Variants in DGKH observed in about 807,000 individuals in gnomAD.
DGKH encodes DAG kinase eta.
DGKH carries 90 observed loss-of-function variants against 159.3 expected under a neutral mutation model. The ratio of observed to expected loss-of-function variants is 0.57; its 90% CI spans 0.48 to 0.67. DGKH has a LOEUF of 0.67. DGKH is among the 30% of genes least tolerant of loss of function. DGKH has a pLI of 0.00. For synonymous variants in DGKH, 536 were observed against 553.8 expected, an observed-to-expected ratio of 0.97 and a Z score of 0.45; for missense variants, 1,181 against 1,506.1, an observed-to-expected ratio of 0.78 and a Z score of 3.57.
Position 42,057,465 on chromosome 13 carries a change from A to G in DGKH, c.192+8500A>G, listed in dbSNP as rs77683549. 5.8e-3 allele frequency among the ~76,000 whole-genome samples: 886 copies of G among 152,266 alleles called. 9 individuals are homozygous for G. Among genetic ancestry groups the G allele is most frequent in the African/African-American group, 0.02 (848 of 41,556 alleles). ...TTGTAGTACTTTAAAATTATGTGATATTATAATATTTGATATTTATAAGAA... is the reference window on the plus strand; with the variant it reads ...TTGTAGTACTTTAAAATTATGTGATGTTATAATATTTGATATTTATAAGAA... On this transcript the variant is annotated intron_variant, in intron 1 of 29. Coordinates refer to ENST00000337343, the MANE Select transcript of DGKH (RefSeq NM_178009.5).
At chr13:42,107,557 G>A (rs1954783288) in intron 1 of DGKH, among the ~76,000 whole-genome samples, 1 of 152,162 alleles carries the variant, frequency 6.6e-6, no homozygotes, top group Non-Finnish European at 1.5e-5. Flanking sequence ...AGGGAGTATG[G>A]AGGATTAATT....
At position 42,160,114 on chromosome 13, in the gene DGKH, A is replaced by G. The variant is rs770414433; in HGVS notation, c.833A>G (p.Lys278Arg). The change falls in exon 7 of 30, where the codon AAA (lysine) becomes AGA (arginine). Residue 278 changes from lysine to arginine, a missense_variant. Physicochemically the swap from Lys to Arg is conservative, Grantham distance 26. This residue lies in a region of DGKH where 369 missense variants were observed against 519.4 expected (regional missense o/e 0.71). Transcript: ENST00000337343. ...CGSVLRLQDW[K>R]CLWCKTMVHT... ...AGTGTTCTCCGTCTACAGGATTGGAAATGCCTTTGGTGTAAGACAATGGTG... is the reference window on the plus strand; with the variant it reads ...AGTGTTCTCCGTCTACAGGATTGGAGATGCCTTTGGTGTAAGACAATGGTG... 6.2e-7 allele frequency: 1 copy of G among 1,614,206 alleles called. No homozygotes were observed. Among genetic ancestry groups the G allele is most frequent in the Admixed American group, 1.7e-5 (1 of 60,026 alleles).
At chr13:42,051,510 A>C (rs1186310364) in intron 1 of DGKH, among the ~76,000 whole-genome samples, 1 of 152,214 alleles carries the variant, frequency 6.6e-6, no homozygotes, top group Admixed American at 6.5e-5. Flanking sequence ...GTTGGTTCCC[A>C]GTCTTCAATT....
At position 42,206,975 on chromosome 13, in the gene DGKH, T is replaced by TTTTCTTTTTC. The variant is rs1555275937; in HGVS notation, c.2601+836_2601+837insTTCTTTCTTT. The stretch of plus-strand genomic sequence containing the variant: ...CACAATACCTTTTGGTACTTTTACT[T>TTTTCTTTTTC]TTTCTTTCTTTCTTTCTTTCTTTCT... On this transcript the variant is annotated intron_variant, in intron 21 of 29. Transcript: ENST00000337343. Among the ~76,000 whole-genome samples, 423 of 82,420 alleles carry TTTTCTTTTTC rather than the reference T, an allele frequency of 5.1e-3. 17 individuals carry two copies. The highest frequency in any genetic ancestry group is 7.3e-3 in the Admixed American group (52 of 7,164). The allele number at this position is 82,420 out of a possible 152,430, so 54.1% of individuals were successfully genotyped here. A position where few individuals can be genotyped will look rare whatever the true frequency, so the allele number is the denominator to read the frequency against.
In DGKH at chr13:42,165,377, G is replaced by A. The variant is rs1372126055; in HGVS notation, c.902G>A (p.Gly301Asp). 6.3e-7 allele frequency: 1 copy of A among 1,593,072 alleles called. No homozygotes were observed. The highest frequency in any genetic ancestry group is 8.5e-7 in the Non-Finnish European group (1 of 1,171,460). Residue 301 changes from glycine to aspartate, a missense_variant, in exon 8 of 30, where the codon GGT becomes GAT. By Grantham distance (94) the Gly-to-Asp change is moderately conservative. Around this residue, in one of 5 missense-constraint regions of DGKH, gnomAD observed 369 missense variants for 519.4 expected, o/e 0.71. Coordinates refer to ENST00000337343, the MANE Select transcript of DGKH (RefSeq NM_178009.5). The part of the protein sequence containing the change: ...KDLYHPICPL[G>D]QCKVSIIPPI... ...TTATACCATCCAATATGTCCACTTG[G>A]TCAATGTAAAGTATCTATCATACCT...
chr13:42,043,315 T>A (rs1880621702), intron 1 of DGKH, among the ~76,000 whole-genome samples: 1 of 152,206 alleles, frequency 6.6e-6, no homozygotes, highest in Non-Finnish European at 1.5e-5. Context: ...TGCTTTGACT[T>A]GGACTCCATT....
At chr13:42,103,676 C>G (rs375220149) in intron 1 of DGKH, among the ~76,000 whole-genome samples, 1 of 152,198 alleles carries the variant, frequency 6.6e-6, no homozygotes, top group Non-Finnish European at 1.5e-5. Context: ...CATCTCACCT[C>G]TGAACTAATT....
chr13:42,179,931 A>G (rs555819926), intron 13 of DGKH, among the ~76,000 whole-genome samples: 114 of 152,348 alleles, frequency 7.5e-4, no homozygotes, highest in Admixed American at 1.2e-3. Flanking sequence ...CTTAACAAGA[A>G]TTCCACTTCA....
intron 11 of DGKH, among the ~76,000 whole-genome samples, chr13:42,173,847 TA>T (rs1232729095): frequency 4.6e-5 from 7 of 152,218 alleles, no homozygotes; most frequent in African/African-American, 1.7e-4. Context: ...GTAGAAATCA[TA>T]AATTATAAAT....
chr13:42,174,917 G>A (rs1488311907), intron 12 of DGKH, among the ~76,000 whole-genome samples: 2 of 152,124 alleles, frequency 1.3e-5, no homozygotes, highest in Non-Finnish European at 2.9e-5. Flanking sequence ...GGTTAAGCCT[G>A]TTGATATAGT....
intron 3 of DGKH, among the ~76,000 whole-genome samples, chr13:42,138,517 T>C (rs944417209): frequency 6.6e-6 from 1 of 152,216 alleles, no homozygotes; most frequent in Non-Finnish European, 1.5e-5. Flanking sequence ...GGATATATCC[T>C]TGTTGGATGA....
chr13:42,138,570 C>T (rs1955455867), intron 3 of DGKH, among the ~76,000 whole-genome samples: 1 of 152,002 alleles, frequency 6.6e-6, no homozygotes, highest in African/African-American at 2.4e-5. Context: ...TTTTTTTGGA[C>T]AAAAAGTATT....
chr13:42,208,932 A>G, intron 21 of DGKH, 27 bp from the exon 22 acceptor site: 8 of 1,539,926 alleles, frequency 5.2e-6, no homozygotes, highest in Non-Finnish European at 7.1e-6. Context: ...AACATTCAGT[A>G]GAAGTGTAAT....
intron 24 of DGKH, among the ~76,000 whole-genome samples, chr13:42,211,593 G>A (rs973428681): frequency 6.6e-6 from 1 of 152,150 alleles, no homozygotes; most frequent in Non-Finnish European, 1.5e-5. Context: ...AGTTCCTCAG[G>A]AGGCTGAGGC....
chr13:42,052,374 T>A (rs1464591290), intron 1 of DGKH, among the ~76,000 whole-genome samples: 1 of 152,244 alleles, frequency 6.6e-6, no homozygotes, highest in African/African-American at 2.4e-5. Context: ...TTTCTCTGAA[T>A]AACCTAAGTG....
At chr13:42,194,754 G>A in intron 16 of DGKH, 131 bp from the exon 17 acceptor site, 3 of 1,053,452 alleles carry the variant, frequency 2.8e-6, no homozygotes, top group Non-Finnish European at 4.0e-6. Context: ...AAATGTAAAC[G>A]ATAGCTATGC....
At chr13:42,199,507 T>C (rs1957295346) in intron 18 of DGKH, 59 bp from the exon 19 acceptor site, 1 of 1,214,978 alleles carries the variant, frequency 8.2e-7, no homozygotes, top group African/African-American at 1.5e-5. Context: ...TGTGTACAAA[T>C]TGTAATTGTT....
intron 1 of DGKH, among the ~76,000 whole-genome samples, chr13:42,065,005 A>G (rs1448399360): frequency 6.6e-6 from 1 of 152,188 alleles, no homozygotes; most frequent in Non-Finnish European, 1.5e-5. Flanking sequence ...GTAAACGTTC[A>G]TAAGGATATT....
At chr13:42,058,644 A>G (rs776020612) in intron 1 of DGKH, among the ~76,000 whole-genome samples, 28 of 152,284 alleles carry the variant, frequency 1.8e-4, no homozygotes, top group Non-Finnish European at 2.9e-4. Flanking sequence ...GCCCACTGAT[A>G]ACTGTGTTTT....
Sources: allele counts gnomAD v4.1 joint callset (sites outside exome capture counted in the v4.1 genomes callset), GRCh38; gene constraint gnomAD v4.1.1; regional missense constraint gnomAD v4.1.1; transcripts MANE v1.5; gene names NCBI Gene and HGNC (gene_info 2026-07-23, HGNC 2026-07-21).